Variants in F12 observed in about 807,000 individuals in gnomAD.
The protein encoded by F12 is Hageman factor.
Under a neutral mutation model 74.8 loss-of-function variants are expected in F12, and 70 were observed. The observed-to-expected ratio is 0.94, with a 90% CI of 0.77 to 1.14. The LOEUF (loss-of-function observed/expected upper bound fraction) is 1.14, where lower values mean the gene tolerates loss of function less well. Among genes scored for constraint, F12 ranks in the 50% most tolerant of loss-of-function variants. The pLI, the probability that F12 is intolerant of heterozygous loss-of-function variation, is 0.00. For missense variants in F12, 811 were observed against 835.7 expected, an observed-to-expected ratio of 0.97 and a Z score of 0.36; for synonymous variants, 373 against 356.4, an observed-to-expected ratio of 1.05 and a Z score of -0.52.
intron 12 of F12, 71 bp downstream of exon 12, chr5:177,403,183 C>T (rs1763182907): frequency 1.9e-6 from 3 of 1,586,436 alleles, no homozygotes; most frequent in Non-Finnish European, 2.6e-6. Flanking sequence ...ACCAAAGTCG[C>T]GGGCTTCTTC....
In F12 at chr5:177,403,391, A is replaced by C; in HGVS notation, c.1394T>G (p.Leu465Trp). 6.3e-7 allele frequency: 1 copy of C among 1,596,446 alleles called. No homozygotes were observed. The highest frequency in any genetic ancestry group is 8.5e-7 in the Non-Finnish European group (1 of 1,178,294). ...GCCGTCCGCATCCTCCTGAAGGCGC[A>C]ACAGAGCTAACCCGGGCGGAGAGGA... ...PVSYQHDLALLRLQEDADGSC... is the reference protein window; with the variant it reads ...PVSYQHDLALWRLQEDADGSC... The change falls in exon 12 of 14, where the codon TTG (leucine) becomes TGG (tryptophan). Residue 465 changes from leucine (L) to tryptophan (W), a missense_variant. Coordinates refer to ENST00000253496, the MANE Select transcript of F12 (RefSeq NM_000505.4).
chr5:177,402,831 G>C, intron 12 of F12, 133 bp from the exon 13 acceptor site: 1 of 1,290,604 alleles, frequency 7.7e-7, no homozygotes, highest in Non-Finnish European at 1.1e-6. Context: ...AAGGGGAGGA[G>C]GTGCCATTAA....
intron 9 of F12, 31 bp from the exon 10 acceptor site, chr5:177,404,121 G>C: frequency 6.3e-7 from 1 of 1,590,262 alleles, no homozygotes; most frequent in African/African-American, 1.3e-5. Flanking sequence ...AGGACGGAGA[G>C]CCCGCGGCCG....
Position 177,406,000 on chromosome 5 carries a change from G to A in F12, c.177C>T (p.His59=). The change falls in exon 3 of 14, where the codon CAC becomes CAT. Residue 59 remains histidine (H), a synonymous_variant. Transcript: ENST00000253496. ...CTGGCCGGCCCTTGTGGGTACATTT[G>A]TGGTACAGCTGCCGGTGGTACTGGA... is the stretch of plus-strand genomic sequence containing the variant. ...FPFQYHRQLY[H]KCTHKGRPGP... The A allele has an allele frequency of 6.2e-7, 1 of 1,613,952 alleles. No homozygotes were observed. Among genetic ancestry groups the A allele is most frequent in the East Asian group, 2.2e-5 (1 of 44,898 alleles).
At position 177,402,313 on chromosome 5, in the gene F12, G is replaced by A; in HGVS notation, c.1827C>T (p.Ile609=). 1 of 1,613,814 alleles carries A rather than the reference G, an allele frequency of 6.2e-7. No individual in the cohort carries two copies. The part of the protein sequence containing the change: ...YTDVAYYLAW[I]REHTVS ...GCAATCAGGAAACGGTGTGCTCCCG[G>A]ATCCAGGCCAGGTAGTAGGCCACAT... is the stretch of plus-strand genomic sequence containing the variant. The change falls in exon 14 of 14, where the codon ATC becomes ATT. Residue 609 remains isoleucine, a synonymous_variant. Transcript: ENST00000253496.
chr5:177,405,996 AT>A lies in F12; in HGVS notation c.180del (p.Lys60AsnfsTer35). 1 of 1,614,066 alleles carries A rather than the reference AT, an allele frequency of 6.2e-7. No individual in the cohort carries two copies. The highest frequency in any genetic ancestry group is 1.3e-5 in the African/African-American group (1 of 75,010). ...PFQYHRQLYH[K>X]CTHKGRPGPQ... Reference sequence around the variant, plus strand: ...GGGCCTGGCCGGCCCTTGTGGGTACATTTGTGGTACAGCTGCCGGTGGTACT... The same window carrying A: ...GGGCCTGGCCGGCCCTTGTGGGTACATTGTGGTACAGCTGCCGGTGGTACT... On this transcript the variant is annotated frameshift_variant, in exon 3 of 14. Transcript: ENST00000253496. LOFTEE classifies it high-confidence loss of function.
chr5:177,407,119 T>A (rs1025593124), intron 2 of F12, among the ~76,000 whole-genome samples: 1 of 152,224 alleles, frequency 6.6e-6, no homozygotes, highest in African/African-American at 2.4e-5. Context: ...TTAGCATTGA[T>A]GAATCAGCAA....
Position 177,404,358 on chromosome 5 carries a change from T to C in F12, c.856A>G (p.Ser286Gly). Residue 286 changes from serine to glycine, a missense_variant, in exon 9 of 14, where the codon AGC becomes GGC. Transcript: ENST00000253496. ...WCFVLNRDRL[S>G]WEYCDLAQCQ... Reference sequence around the variant, plus strand: ...TGTGCCAGGTCGCAGTACTCCCAGCTCAGCCGGTCGCGGTTCAGCACGAAG... The same window carrying C: ...TGTGCCAGGTCGCAGTACTCCCAGCCCAGCCGGTCGCGGTTCAGCACGAAG... 3.7e-6 allele frequency: 6 copies of C among 1,611,746 alleles called. No individual in the cohort carries two copies. In the Middle Eastern group the frequency reaches 9.9e-4, roughly 266 times the overall value.
At chr5:177,404,450 G>A (rs1359791730) in intron 8 of F12, 37 bp from the exon 9 acceptor site, 12 of 1,601,166 alleles carry the variant, frequency 7.5e-6, no homozygotes, top group Non-Finnish European at 1.0e-5. Context: ...AGAGCGCCGG[G>A]AGCCCGGAGC....
At chr5:177,404,121 G>A in intron 9 of F12, 31 bp from the exon 10 acceptor site, 1 of 1,590,262 alleles carries the variant, frequency 6.3e-7, no homozygotes, top group Non-Finnish European at 8.5e-7. Flanking sequence ...AGGACGGAGA[G>A]CCCGCGGCCG....
At chr5:177,402,815 A>G in intron 12 of F12, 117 bp from the exon 13 acceptor site, 1 of 1,416,724 alleles carries the variant, frequency 7.1e-7, no homozygotes, top group Non-Finnish European at 9.7e-7. Flanking sequence ...TCTCGCAGCA[A>G]GCCCGAAGGG....
rs367868467 is a variant in F12 at position 177,402,331 on chromosome 5, G to A, written c.1809C>T (p.Ala603=). ...RNKPGVYTDV[A]YYLAWIREHT... ...GCTCCCGGATCCAGGCCAGGTAGTA[G>A]GCCACATCGGTGTAGACGCCTGGCT... Residue 603 remains alanine (A), a synonymous_variant, in exon 14 of 14, where the codon GCC becomes GCT. Coordinates refer to ENST00000253496, the MANE Select transcript of F12 (RefSeq NM_000505.4). 2 of 1,613,872 alleles carry A rather than the reference G, an allele frequency of 1.2e-6. No individual in the cohort carries two copies. Among genetic ancestry groups the A allele is most frequent in the Non-Finnish European group, 8.5e-7 (1 of 1,180,012 alleles).
In F12 at chr5:177,402,664, C is replaced by T. The variant is rs1209117333; in HGVS notation, c.1566G>A (p.Ala522=). 2 of 1,612,562 alleles carry T rather than the reference C, an allele frequency of 1.2e-6. No individual in the cohort carries two copies. The highest frequency in any genetic ancestry group is 1.1e-5 in the South Asian group (1 of 91,042). The change falls in exon 13 of 14, where the codon GCG becomes GCA. Residue 522 remains alanine (A), a synonymous_variant. Coordinates refer to ENST00000253496, the MANE Select transcript of F12 (RefSeq NM_000505.4). ...GCTCCAGGGAGAGGAACGGTACCTG[C>T]GCCTCCTGCAGGAAGCTGGCATATT... The part of the protein sequence containing the change: ...AEEYASFLQE[A]QVPFLSLERC...
chr5:177,404,593 C>T lies in F12; in HGVS notation c.706G>A (p.Ala236Thr). Residue 236 changes from alanine to threonine, a missense_variant, in exon 8 of 14, where the codon GCG becomes ACG. Transcript: ENST00000253496. ...RGLARTTLSG[A>T]PCQPWASEAT... The stretch of plus-strand genomic sequence containing the variant: ...TCCGAGGCCCACGGCTGACAGGGCG[C>T]ACCCGAGAGCGTGGTCCTGGCCAGG... 3 of 1,608,486 alleles carry T rather than the reference C, an allele frequency of 1.9e-6. No homozygotes were observed. The highest frequency in any genetic ancestry group is 2.5e-6 in the Non-Finnish European group (3 of 1,179,420).
Position 177,404,234 on chromosome 5 carries a change from G to A in F12, c.980C>T (p.Pro327Leu). The A allele has an allele frequency of 6.2e-7, 1 of 1,602,548 alleles. No individual in the cohort carries two copies. The highest frequency in any genetic ancestry group is 8.5e-7 in the Non-Finnish European group (1 of 1,173,200). The change falls in exon 9 of 14, where the codon CCC (proline) becomes CTC (leucine). Residue 327 changes from proline (P) to leucine (L), a missense_variant. By Grantham distance (98) the Pro-to-Leu change is moderately conservative. Coordinates refer to ENST00000253496, the MANE Select transcript of F12 (RefSeq NM_000505.4). Reference sequence around the variant, plus strand: ...GGACTGAGGCGGGGTCCGGGTCGTGGGCTGAGGCTTCGGCGGTGCCGGCTG... The same window carrying A: ...GGACTGAGGCGGGGTCCGGGTCGTGAGCTGAGGCTTCGGCGGTGCCGGCTG... ...PAQPAPPKPQ[P>L]TTRTPPQSQT...
rs1264520951 is a variant in F12 at position 177,404,892 on chromosome 5, G to A, written c.552C>T (p.Leu184=). 1 of 1,607,642 alleles carries A rather than the reference G, an allele frequency of 6.2e-7. No homozygotes were observed. Among genetic ancestry groups the A allele is most frequent in the Non-Finnish European group, 8.5e-7 (1 of 1,178,392 alleles). Reference sequence around the variant, plus strand: ...CCACCTCTAGGCAGCGACCCCCATGGAGGCACGGGTTGGTGCGGCAGGCTT... The same window carrying A: ...CCACCTCTAGGCAGCGACCCCCATGAAGGCACGGGTTGGTGCGGCAGGCTT... The part of the protein sequence containing the change: ...ASQACRTNPC[L]HGGRCLEVEG... Residue 184 remains leucine (L), a synonymous_variant, in exon 7 of 14, where the codon CTC becomes CTT. Coordinates refer to ENST00000253496, the MANE Select transcript of F12 (RefSeq NM_000505.4).
Position 177,404,907 on chromosome 5 carries a change from G to T in F12, c.537C>A (p.Arg179=). The change falls in exon 7 of 14, where the codon CGC becomes CGA. Residue 179 remains arginine, a synonymous_variant. Coordinates refer to ENST00000253496, the MANE Select transcript of F12 (RefSeq NM_000505.4). Reference sequence around the variant, plus strand: ...GACCCCCATGGAGGCACGGGTTGGTGCGGCAGGCTTGGGGAGGGAACGCAG... The same window carrying T: ...GACCCCCATGGAGGCACGGGTTGGTTCGGCAGGCTTGGGGAGGGAACGCAG... The part of the protein sequence containing the change: ...HCQRLASQAC[R]TNPCLHGGRC... The T allele has an allele frequency of 6.2e-7, 1 of 1,603,930 alleles. No individual in the cohort carries two copies.
rs776218268 is a variant in F12, at chr5:177,403,461, C to A, written c.1387+20G>T. On this transcript the variant is annotated intron_variant, in intron 11 of 13. Coordinates refer to ENST00000253496, the MANE Select transcript of F12 (RefSeq NM_000505.4). ...GGGCCCCAAGCTCTCTTCCCGTCCCCGCGGGGCGCCCCCACGCACCCAGGT... is the reference window on the plus strand; with the variant it reads ...GGGCCCCAAGCTCTCTTCCCGTCCCAGCGGGGCGCCCCCACGCACCCAGGT... The A allele has an allele frequency of 3.2e-6, 5 of 1,558,408 alleles. No individual in the cohort carries two copies. Among genetic ancestry groups the A allele is most frequent in the Non-Finnish European group, 3.5e-6 (4 of 1,156,794 alleles).
intron 7 of F12, 70 bp downstream of exon 7, chr5:177,404,740 C>A: frequency 3.8e-6 from 6 of 1,595,600 alleles, no homozygotes; most frequent in South Asian, 2.2e-5. Context: ...TCCGCACTCT[C>A]CCTCCTCCTT....
Sources: gnomAD v4.1 joint callset for allele counts (sites outside exome capture counted in the v4.1 genomes callset) on GRCh38, gnomAD v4.1.1 for gene constraint, MANE v1.5 for transcripts, NCBI Gene and HGNC (gene_info 2026-07-23, HGNC 2026-07-21) for gene names.